The following NAA16 variants were observed in gnomAD, a reference collection of about 807,000 sequenced individuals.
NAA16 encodes the protein N-alpha-acetyltransferase 16, NatA auxiliary subunit.
Under a neutral mutation model 110.3 loss-of-function variants are expected in NAA16, and 97 were observed. The ratio of observed to expected loss-of-function variants is 0.88; its 90% CI spans 0.75 to 1.04. The LOEUF is 1.04. NAA16 is among the 50% of genes least tolerant of loss of function. The pLI is 0.00. For missense variants in NAA16, 1,017 were observed against 1,005.1 expected (o/e 1.01, Z -0.16); for synonymous variants, 372 against 330.6 (o/e 1.13, Z -1.36).
intron 9 of NAA16, among the ~76,000 whole-genome samples, chr13:41,340,831 C>A (rs183722567): frequency 6.6e-6 from 1 of 151,860 alleles, no homozygotes; most frequent in South Asian, 2.1e-4. Context: ...CGCCTGCCAC[C>A]GTGCCCGGCT....
chr13:41,373,603 AAAAC>A (rs1290447583), intron 17 of NAA16, 30 bp from the exon 18 acceptor site: 4 of 1,546,874 alleles, frequency 2.6e-6, no homozygotes, highest in Non-Finnish European at 2.6e-6. Context: ...GGACAGATCA[AAAAC>A]AAAAAATCCA....
At chr13:41,373,835 A>G in intron 18 of NAA16, 55 bp downstream of exon 18, 1 of 1,530,316 alleles carries the variant, frequency 6.5e-7, no homozygotes, top group Non-Finnish European at 8.7e-7. Context: ...AACAAAGAGA[A>G]AGCTTTGACA....
Position 41,362,018 on chromosome 13 carries a change from G to A in NAA16, c.1411-13G>A. The A allele has an allele frequency of 1.2e-6, 2 of 1,609,300 alleles. No homozygotes were observed. Among genetic ancestry groups the A allele is most frequent in the East Asian group, 2.2e-5 (1 of 44,620 alleles). ...TTGTTTGCTCTCTATAGTTTTGAAT[G>A]CTTCCATTTCAGGAAGGAACATCTG... On this transcript the variant is annotated splice_polypyrimidine_tract_variant and intron_variant, in intron 12 of 19. Transcript: ENST00000379406.
chr13:41,325,768 C>T lies in NAA16; in HGVS notation c.608C>T (p.Ala203Val), dbSNP rs767877104. The change falls in exon 6 of 20, where the codon GCA becomes GTA. Residue 203 changes from alanine (A) to valine (V), a missense_variant. Ala to Val is a moderately conservative substitution (Grantham distance 64, BLOSUM62 0). Coordinates refer to ENST00000379406, the MANE Select transcript of NAA16 (RefSeq NM_024561.5). ...ILYQNQVMRE[A>V]DLLQESLEHI... ...TACCAGAATCAAGTGATGAGAGAGG[C>T]AGATCTGTTGCAGGAATCTTTGGAA... 2 of 1,603,076 alleles carry T rather than the reference C, an allele frequency of 1.2e-6. No homozygotes were observed. The highest frequency in any genetic ancestry group is 1.1e-5 in the South Asian group (1 of 90,392).
intron 12 of NAA16, among the ~76,000 whole-genome samples, chr13:41,361,067 T>A (rs968143335): frequency 6.6e-6 from 1 of 152,216 alleles, no homozygotes; most frequent in Non-Finnish European, 1.5e-5. Flanking sequence ...TATAAGTGTA[T>A]CTTTGCATCC....
rs118100582 is a variant in NAA16, at chr13:41,320,731, C to G, written c.309C>G (p.Tyr103Ter). 6.2e-7 allele frequency: 1 copy of G among 1,613,288 alleles called. No homozygotes were observed. The highest frequency in any genetic ancestry group is 8.5e-7 in the Non-Finnish European group (1 of 1,179,896). ...DKKYDEAIKC[Y>*]RNALKLDKDN... ...AATATGATGAAGCTATAAAATGTTA[C>G]CGAAATGCCCTCAAATTAGATAAAG... The change falls in exon 4 of 20, where the codon TAC (tyrosine) becomes TAG (stop). Residue 103 changes from tyrosine to a stop codon, truncating the protein, a stop_gained. Coordinates refer to ENST00000379406, the MANE Select transcript of NAA16 (RefSeq NM_024561.5). LOFTEE classifies it high-confidence loss of function.
chr13:41,322,736 TAAA>T (rs1422431628), intron 4 of NAA16, among the ~76,000 whole-genome samples: 1 of 151,320 alleles, frequency 6.6e-6, no homozygotes, highest in African/African-American at 2.4e-5. Context: ...TGTAGTTTAA[TAAA>T]AAACCATCTT....
At chr13:41,330,372 C>T (rs369087641) in intron 7 of NAA16, among the ~76,000 whole-genome samples, 2 of 152,062 alleles carry the variant, frequency 1.3e-5, no homozygotes, top group African/African-American at 4.8e-5. Context: ...TTATAAACTA[C>T]ATTTACTACA....
chr13:41,354,886 A>ATTTTTTTTTTTTTTTT (rs10671840), intron 9 of NAA16, among the ~76,000 whole-genome samples: 3 of 112,486 alleles, frequency 2.7e-5, no homozygotes, highest in African/African-American at 1.1e-4. Context: ...GGAGTGGTCC[A>ATTTTTTTTTTTTTTTT]TTTTTTTTTT....
At chr13:41,336,169 A>T (rs867869311) in intron 8 of NAA16, among the ~76,000 whole-genome samples, 11,191 of 152,026 alleles carry the variant, frequency 0.074, 1,364 homozygotes, top group African/African-American at 0.25. Flanking sequence ...ATTTAAAAAA[A>T]AATTTTTTTT....
At chr13:41,355,020 G>C in intron 9 of NAA16, 124 bp from the exon 10 acceptor site, 1 of 566,990 alleles carries the variant, frequency 1.8e-6, no homozygotes, top group South Asian at 2.0e-5. Context: ...AGATACCCTA[G>C]TCTTTTAATT....
chr13:41,356,420 TCG>T (rs1403273161), intron 10 of NAA16, among the ~76,000 whole-genome samples: 4 of 141,228 alleles, frequency 2.8e-5, no homozygotes, highest in Non-Finnish European at 6.1e-5. Context: ...GAAGAAGTCA[TCG>T]CAGTGCCATG....
intron 19 of NAA16, among the ~76,000 whole-genome samples, chr13:41,375,049 A>C (rs1015494445): frequency 6.6e-5 from 10 of 152,194 alleles, no homozygotes; most frequent in African/African-American, 2.4e-4. Flanking sequence ...TAGTGCTGTC[A>C]CAGAATCCAT....
chr13:41,354,043 A>G (rs959645372), intron 9 of NAA16, among the ~76,000 whole-genome samples: 1 of 152,198 alleles, frequency 6.6e-6, no homozygotes, highest in African/African-American at 2.4e-5. Context: ...GTGAAGTCAT[A>G]GTATGTGTAA....
chr13:41,372,940 T>G lies in NAA16; in HGVS notation c.2155+110T>G, dbSNP rs1399963803. 3.3e-6 allele frequency: 4 copies of G among 1,212,174 alleles called. No homozygotes were observed. The East Asian group carries it at 9.0e-5, about 27-fold the overall frequency. The allele number at this position is 1,212,174 out of a possible 1,614,324, so 75.1% of individuals were successfully genotyped here. On this transcript the variant is annotated intron_variant, in intron 17 of 19. Coordinates refer to ENST00000379406, the MANE Select transcript of NAA16 (RefSeq NM_024561.5). ...ATTTAATAACCCTCTCTTTGTGAAG[T>G]AAAAAGCCCTGATTTGTATTTTCAT...
chr13:41,372,853 T>C, intron 17 of NAA16, 23 bp downstream of exon 17: 1 of 1,491,066 alleles, frequency 6.7e-7, no homozygotes. Context: ...AAGGACCATA[T>C]TTACATTTGT....
chr13:41,330,325 A>G (rs2042205212), intron 7 of NAA16, among the ~76,000 whole-genome samples: 1 of 151,980 alleles, frequency 6.6e-6, no homozygotes, highest in Non-Finnish European at 1.5e-5. Context: ...TGGTGTTTAC[A>G]ATCTTGATGC....
intron 12 of NAA16, among the ~76,000 whole-genome samples, chr13:41,360,530 G>A (rs1457309780): frequency 1.3e-5 from 2 of 152,276 alleles, no homozygotes; most frequent in East Asian, 3.9e-4. Flanking sequence ...GGTTATTTAA[G>A]GAGAATAGTC....
At position 41,358,952 on chromosome 13, in the gene NAA16, A is replaced by G. The variant is rs149270980; in HGVS notation, c.1400A>G (p.Lys467Arg). ...AAAGAAGCAGAGGAAATGTGCTCCA[A>G]GTTCACAAGGGTAGGAAATAGCATG... is the stretch of plus-strand genomic sequence containing the variant. ...MIKEAEEMCS[K>R]FTREGTSAME... Residue 467 changes from lysine (K) to arginine (R), a missense_variant, in exon 12 of 20, where the codon AAG (lysine) becomes AGG (arginine). Physicochemically the swap from Lys to Arg is conservative, Grantham distance 26 (BLOSUM62 2). Transcript: ENST00000379406. 5 of 1,605,532 alleles carry G rather than the reference A, an allele frequency of 3.1e-6. No homozygotes were observed. In the African/African-American group the frequency reaches 4.0e-5, roughly 13 times the overall value.
Sources: gnomAD v4.1 joint callset for allele counts (sites outside exome capture counted in the v4.1 genomes callset) on GRCh38, gnomAD v4.1.1 for gene constraint, MANE v1.5 for transcripts, NCBI Gene and HGNC (gene_info 2026-07-23, HGNC 2026-07-21) for gene names.